The following BSN variants were observed in gnomAD, a reference collection of about 807,000 sequenced individuals.
BSN encodes protein bassoon.
BSN carries 57 observed loss-of-function variants against 264.8 expected under a neutral mutation model. The ratio of observed to expected loss-of-function variants is 0.22; its 90% CI spans 0.17 to 0.27. The LOEUF (loss-of-function observed/expected upper bound fraction) is 0.27, where lower values mean the gene tolerates loss of function less well. Ranked by LOEUF, BSN falls within the 10% of genes least tolerant of loss-of-function variation. The probability of loss-of-function intolerance (pLI) is 1.00; values close to 1 mark genes in which losing one functional copy is unlikely to be tolerated. For synonymous variants in BSN, 2,059 were observed against 2,137.3 expected, an observed-to-expected ratio of 0.96 and a Z score of 1.01; for missense variants, 4,615 against 5,232.5, an observed-to-expected ratio of 0.88 and a Z score of 3.64.
intron 1 of BSN, among the ~76,000 whole-genome samples, chr3:49,614,008 C>G (rs1385271224): frequency 1.3e-5 from 2 of 150,718 alleles, no homozygotes; most frequent in Non-Finnish European, 3.0e-5. Flanking sequence ...CCGTCATTCA[C>G]ACAGTGCTTG....
chr3:49,559,286 G>T (rs140078594), intron 1 of BSN, among the ~76,000 whole-genome samples: 2 of 152,180 alleles, frequency 1.3e-5, no homozygotes, highest in Non-Finnish European at 2.9e-5. Flanking sequence ...ATACATGAAA[G>T]TAGAGGAAAT....
rs991089994 is a variant in BSN at position 49,585,417 on chromosome 3, C to T, written c.224+30591C>T. Among the ~76,000 whole-genome samples the T allele has an allele frequency of 2.0e-5, 3 of 152,170 alleles. No individual in the cohort carries two copies. The highest frequency in any genetic ancestry group is 4.8e-5 in the African/African-American group (2 of 41,450). ...GTGCTTCTTCCTCTGGTGAGGCCGGCGCTCCCTTCCCAGGCCGCAGCGGAC... is the reference window on the plus strand; with the variant it reads ...GTGCTTCTTCCTCTGGTGAGGCCGGTGCTCCCTTCCCAGGCCGCAGCGGAC... On this transcript the variant is annotated intron_variant, in intron 1 of 11. Coordinates refer to ENST00000296452, the MANE Select transcript of BSN (RefSeq NM_003458.4). This position sits in a 1 kb window ranked among gnomAD's most constrained non-coding sequence, Gnocchi z 4.7.
chr3:49,613,303 C>CGAGAGAGAGA (rs752108805), intron 1 of BSN, among the ~76,000 whole-genome samples: 2,932 of 47,328 alleles, frequency 0.062, 665 homozygotes, highest in East Asian at 0.11. Flanking sequence ...ACACACAGAG[C>CGAGAGAGAGA]GAGAGAGAGA....
At position 49,669,131 on chromosome 3, in the gene BSN, CT is replaced by C. The variant is rs1344353595; in HGVS notation, c.*1648del. The C allele has an allele frequency of 6.6e-6, 1 of 152,596 alleles. No individual in the cohort carries two copies. The highest frequency in any genetic ancestry group is 1.5e-5 in the Non-Finnish European group (1 of 68,052). 9.5% of individuals were successfully genotyped at this position (152,596 alleles called of 1,614,324 possible). A position where few individuals can be genotyped will look rare whatever the true frequency, so the allele number is the denominator to read the frequency against. On this transcript the variant is annotated 3_prime_UTR_variant, in exon 12 of 12. Transcript: ENST00000296452. ...TGCACGATTTCATCCATTTTAAATG[CT>C]TGACCCTCTTGCTTGGAGTTCTTTT...
Position 49,625,435 on chromosome 3 carries a change from C to T in BSN, c.633+52C>T, listed in dbSNP as rs1248260127. On this transcript the variant is annotated intron_variant, in intron 2 of 11. Coordinates refer to ENST00000296452, the MANE Select transcript of BSN (RefSeq NM_003458.4). The surrounding 1 kb of genome is among the most constrained non-coding windows in gnomAD (Gnocchi z 4.4). ...CTCACCTGCTACCTCATTACCATAC[C>T]TCCCCTGGTTCCCTTCCCCTCTTTC... 1.5e-5 allele frequency: 21 copies of T among 1,404,014 alleles called. No homozygotes were observed. Among genetic ancestry groups the T allele is most frequent in the Non-Finnish European group, 1.9e-5 (20 of 1,076,654 alleles). 87.0% of individuals were successfully genotyped at this position (1,404,014 alleles called of 1,614,324 possible).
At chr3:49,605,448 T>A (rs1575435045) in intron 1 of BSN, among the ~76,000 whole-genome samples, 1 of 24,778 alleles carries the variant, frequency 4.0e-5, no homozygotes, top group Non-Finnish European at 6.3e-5. Context: ...TTATATATAT[T>A]ATATAATATA....
At chr3:49,665,160 T>G (rs1319087406) in intron 10 of BSN, 69 bp from the exon 11 acceptor site, 1 of 291,680 alleles carries the variant, frequency 3.4e-6, no homozygotes, top group African/African-American at 2.2e-5. Context: ...AGCACTGGGC[T>G]GGCACTGGGT....
chr3:49,649,629 G>A (rs530930580), intron 3 of BSN, among the ~76,000 whole-genome samples: 1 of 152,304 alleles, frequency 6.6e-6, no homozygotes, highest in South Asian at 2.1e-4. Context: ...AAAGCAGCTG[G>A]GGCTGGGAGA....
intron 1 of BSN, among the ~76,000 whole-genome samples, chr3:49,616,620 A>C (rs1021002549): frequency 6.6e-6 from 1 of 152,206 alleles, no homozygotes; most frequent in Admixed American, 6.5e-5. Context: ...TGTGGGGCCC[A>C]GCTTGGTTTT....
chr3:49,659,013 C>T (rs1431369754), intron 5 of BSN, among the ~76,000 whole-genome samples: 1 of 152,132 alleles, frequency 6.6e-6, no homozygotes, highest in Non-Finnish European at 1.5e-5. Context: ...TGGGACAAAG[C>T]AGATGTTTTG....
chr3:49,652,777 C>T lies in BSN; in HGVS notation c.3221C>T (p.Thr1074Ile). ...QQRIRSTARK[T>I]RRDKEELRAQ... ...CGCATCCGCAGCACGGCCCGCAAGA[C>T]CCGGCGGGACAAGGAAGAACTGCGG... is the stretch of plus-strand genomic sequence containing the variant. The change falls in exon 5 of 12, where the codon ACC becomes ATC. Residue 1074 changes from threonine to isoleucine, a missense_variant. Physicochemically the swap from Thr to Ile is moderately conservative, Grantham distance 89. This residue lies in a region of BSN where 3,415 missense variants were observed against 3,866.4 expected (regional missense o/e 0.88). Transcript: ENST00000296452. 2 of 1,549,854 alleles carry T rather than the reference C, an allele frequency of 1.3e-6. No individual in the cohort carries two copies. The highest frequency in any genetic ancestry group is 1.7e-6 in the Non-Finnish European group (2 of 1,147,406).
Position 49,651,086 on chromosome 3 carries a change from C to T in BSN, c.1986+7C>T. ...CAAGGGTGGGGAGGCGGAGGTCAGT[C>T]CCATTCACTTCCCAGAGACCCTAGC... is the stretch of plus-strand genomic sequence containing the variant. On this transcript the variant is annotated splice_region_variant and intron_variant, in intron 4 of 11. Transcript: ENST00000296452. The surrounding 1 kb of genome is among the most constrained non-coding windows in gnomAD (Gnocchi z 5.4). 1 of 1,597,186 alleles carries T rather than the reference C, an allele frequency of 6.3e-7. No homozygotes were observed. The highest frequency in any genetic ancestry group is 8.5e-7 in the Non-Finnish European group (1 of 1,175,714).
chr3:49,669,161 C>T lies in BSN; in HGVS notation c.*1676C>T, dbSNP rs919721923. 2 of 152,630 alleles carry T rather than the reference C, an allele frequency of 1.3e-5. No individual in the cohort carries two copies. The highest frequency in any genetic ancestry group is 6.5e-5 in the Admixed American group (1 of 15,280). 9.5% of individuals were successfully genotyped at this position (152,630 alleles called of 1,614,324 possible). A position where few individuals can be genotyped will look rare whatever the true frequency, so the allele number is the denominator to read the frequency against. ...CCCTCTTGCTTGGAGTTCTTTTTGCCTCAGAACCTCTCCTTCAGGAGCACT... is the reference window on the plus strand; with the variant it reads ...CCCTCTTGCTTGGAGTTCTTTTTGCTTCAGAACCTCTCCTTCAGGAGCACT... On this transcript the variant is annotated 3_prime_UTR_variant, in exon 12 of 12. Transcript: ENST00000296452.
Position 49,651,254 on chromosome 3 carries a change from CTG to C in BSN, c.1986+178_1986+179del, listed in dbSNP as rs1288960938. On this transcript the variant is annotated intron_variant, in intron 4 of 11. Transcript: ENST00000296452. This position sits in a 1 kb window ranked among gnomAD's most constrained non-coding sequence, Gnocchi z 5.4. ...GATGAGGTTCTGGCACGCTTGGAGA[CTG>C]TGGGTTTTACACTGGTGCTGTGTCT... The C allele has an allele frequency of 1.6e-5, 11 of 697,936 alleles. No homozygotes were observed. The highest frequency in any genetic ancestry group is 6.3e-5 in the South Asian group (3 of 47,720). The allele number at this position is 697,936 out of a possible 1,614,324, so 43.2% of individuals were successfully genotyped here.
chr3:49,599,437 G>A (rs1048740194), intron 1 of BSN, among the ~76,000 whole-genome samples: 1 of 152,138 alleles, frequency 6.6e-6, no homozygotes, highest in Admixed American at 6.5e-5. Flanking sequence ...GGGTGAAATT[G>A]TAGTCTTAAA....
rs775463999 is a variant in BSN, at chr3:49,657,226, A to G, written c.7670A>G (p.His2557Arg). 2 of 1,613,402 alleles carry G rather than the reference A, an allele frequency of 1.2e-6. No individual in the cohort carries two copies. Among genetic ancestry groups the G allele is most frequent in the East Asian group, 2.2e-5 (1 of 44,868 alleles). ...EASRSGIKKR[H>R]SMPRLRDACE... ...AGCCGTAGTGGCATCAAGAAGCGGC[A>G]CTCCATGCCACGCCTGCGGGATGCC... The change falls in exon 5 of 12, where the codon CAC becomes CGC. Residue 2557 changes from histidine (H) to arginine (R), a missense_variant. Physicochemically the swap from His to Arg is conservative, Grantham distance 29. Transcript: ENST00000296452.
intron 1 of BSN, among the ~76,000 whole-genome samples, chr3:49,613,303 C>T (rs866855033): frequency 2.1e-5 from 1 of 47,332 alleles, no homozygotes; most frequent in African/African-American, 7.0e-5. Flanking sequence ...ACACACAGAG[C>T]GAGAGAGAGA....
In BSN at chr3:49,606,221, T is replaced by A. The variant is rs1411922666; in HGVS notation, c.225-18754T>A. On this transcript the variant is annotated intron_variant, in intron 1 of 11. Coordinates refer to ENST00000296452, the MANE Select transcript of BSN (RefSeq NM_003458.4). ...ACATATATTATATATGTATATATTA[T>A]ATATACATATATTATATATGTATAT... Among the ~76,000 whole-genome samples the A allele has an allele frequency of 1.8e-3, 71 of 39,804 alleles. 1 individual carries two copies. The highest frequency in any genetic ancestry group is 3.4e-3 in the African/African-American group (33 of 9,784). 26.1% of individuals were successfully genotyped at this position (39,804 alleles called of 152,430 possible).
intron 1 of BSN, 53 bp from the exon 2 acceptor site, chr3:49,624,922 C>T: frequency 6.8e-7 from 1 of 1,465,920 alleles, no homozygotes; most frequent in Admixed American, 2.6e-5. Flanking sequence ...GAGACCTCCG[C>T]AAGCTGCTTC....
Sources: gnomAD v4.1 joint callset for allele counts (sites outside exome capture counted in the v4.1 genomes callset) on GRCh38, gnomAD v4.1.1 for gene constraint, gnomAD v4.1.1 regional missense constraint, Gnocchi (gnomAD v3.1) non-coding constraint, MANE v1.5 for transcripts, NCBI Gene and HGNC (gene_info 2026-07-23, HGNC 2026-07-21) for gene names.